RAB8B: variants seen among roughly 807,000 people sequenced by gnomAD.
The protein encoded by RAB8B is RAB8B, member RAS oncogene family.
Under a neutral mutation model 32.0 loss-of-function variants are expected in RAB8B, and 11 were observed. The ratio of observed to expected loss-of-function variants is 0.34; its 90% CI spans 0.22 to 0.57. The LOEUF is 0.57. Among genes scored for constraint, RAB8B ranks in the 20% least tolerant of loss-of-function variants. RAB8B has a pLI of 0.86. For synonymous variants in RAB8B, 103 were observed against 89.6 expected, an observed-to-expected ratio of 1.15 and a Z score of -0.85; for missense variants, 190 against 258.5, an observed-to-expected ratio of 0.73 and a Z score of 1.82.
chr15:63,224,586 C>G (rs1218601157), intron 1 of RAB8B, among the ~76,000 whole-genome samples: 2 of 152,146 alleles, frequency 1.3e-5, no homozygotes, highest in Non-Finnish European at 2.9e-5. Flanking sequence ...GGGGTCTTCT[C>G]TAGTTTGCCA....
intron 2 of RAB8B, 120 bp from the exon 3 acceptor site, chr15:63,249,524 TC>T: frequency 1.2e-6 from 1 of 857,334 alleles, no homozygotes; most frequent in Non-Finnish European, 1.8e-6. Flanking sequence ...TGTCTCATTC[TC>T]CTTTCCTCTG....
chr15:63,244,146 A>G (rs2038053179), intron 1 of RAB8B, among the ~76,000 whole-genome samples: 1 of 152,242 alleles, frequency 6.6e-6, no homozygotes, highest in African/African-American at 2.4e-5. Flanking sequence ...TCATAGTACC[A>G]GGCAATTCTA....
At chr15:63,246,050 T>A (rs2038069308) in intron 2 of RAB8B, among the ~76,000 whole-genome samples, 1 of 152,146 alleles carries the variant, frequency 6.6e-6, no homozygotes, top group Non-Finnish European at 1.5e-5. Context: ...TTTTTTGTAT[T>A]TTCAGTAGAA....
At chr15:63,231,844 T>C (rs2037939384) in intron 1 of RAB8B, among the ~76,000 whole-genome samples, 1 of 152,202 alleles carries the variant, frequency 6.6e-6, no homozygotes, top group Non-Finnish European at 1.5e-5. Context: ...AGAGACTTTA[T>C]TGAAGGTACA....
At chr15:63,205,956 A>G (rs952856161) in intron 1 of RAB8B, among the ~76,000 whole-genome samples, 3 of 152,214 alleles carry the variant, frequency 2.0e-5, no homozygotes, top group Non-Finnish European at 2.9e-5. Flanking sequence ...GTCATATCCA[A>G]TTGGAAGCTC....
intron 6 of RAB8B, among the ~76,000 whole-genome samples, chr15:63,261,693 G>A (rs1228925949): frequency 6.6e-6 from 1 of 152,214 alleles, no homozygotes; most frequent in Non-Finnish European, 1.5e-5. Context: ...CACTGACAAT[G>A]AGTAATAATA....
chr15:63,206,678 T>G (rs149678469), intron 1 of RAB8B, among the ~76,000 whole-genome samples: 1 of 152,238 alleles, frequency 6.6e-6, no homozygotes, highest in East Asian at 1.9e-4. Context: ...TTGCCCTTTC[T>G]GCTCTACTTT....
chr15:63,256,599 A>G lies in RAB8B; in HGVS notation c.414+5A>G, dbSNP rs2038160864. The G allele has an allele frequency of 1.3e-6, 2 of 1,570,934 alleles. No individual in the cohort carries two copies. Among genetic ancestry groups the G allele is most frequent in the Non-Finnish European group, 1.7e-6 (2 of 1,149,500 alleles). On this transcript the variant is annotated splice_donor_5th_base_variant and intron_variant, in intron 5 of 7. Transcript: ENST00000321437. ...TCAAAAGAAAGAGGGGAGAAGGTAA[A>G]TGTGAATGGAATGGATAAAGGTTGG...
chr15:63,237,913 T>C (rs553080064), intron 1 of RAB8B, among the ~76,000 whole-genome samples: 1 of 152,280 alleles, frequency 6.6e-6, no homozygotes, highest in South Asian at 2.1e-4. Flanking sequence ...TTTTTGTATA[T>C]GGCAAGAGGT....
intron 2 of RAB8B, among the ~76,000 whole-genome samples, chr15:63,245,732 T>G (rs939825563): frequency 6.6e-6 from 1 of 152,252 alleles, no homozygotes; most frequent in African/African-American, 2.4e-5. Context: ...TTTCCGATTT[T>G]GGATATTCTT....
intron 3 of RAB8B, chr15:63,251,491 C>G (rs2038116388): frequency 6.1e-6 from 2 of 327,230 alleles, no homozygotes; most frequent in African/African-American, 4.4e-5. Flanking sequence ...AAATGTTTCA[C>G]TTGGATGTCT....
At chr15:63,205,517 TACTC>T (rs1224711002) in intron 1 of RAB8B, among the ~76,000 whole-genome samples, 14 of 151,584 alleles carry the variant, frequency 9.2e-5, no homozygotes, top group South Asian at 2.1e-4. Flanking sequence ...ACAAAAAAAA[TACTC>T]ACACACACAC....
At chr15:63,237,452 A>C (rs1393408702) in intron 1 of RAB8B, among the ~76,000 whole-genome samples, 4 of 152,164 alleles carry the variant, frequency 2.6e-5, no homozygotes, top group African/African-American at 7.2e-5. Context: ...ATGATATCTC[A>C]TTGTAGTTTT....
chr15:63,189,860 T>C (rs1255391715), intron 1 of RAB8B, 112 bp downstream of exon 1: 1 of 1,051,134 alleles, frequency 9.5e-7, no homozygotes, highest in East Asian at 4.0e-5. Context: ...CCCCGGGGAC[T>C]GCAAGGTGGC....
intron 1 of RAB8B, chr15:63,223,842 C>G (rs918594012): frequency 5.8e-5 from 25 of 429,232 alleles, no homozygotes; most frequent in African/African-American, 5.1e-4. Context: ...TTGTTTTCTT[C>G]TATAGTGCGG....
intron 1 of RAB8B, among the ~76,000 whole-genome samples, chr15:63,212,882 GA>G (rs2037759787): frequency 2.0e-5 from 3 of 152,202 alleles, no homozygotes; most frequent in Admixed American, 2.0e-4. Context: ...ATGTAAATGA[GA>G]ACCATGATAT....
At chr15:63,241,456 T>C (rs1366321176) in intron 1 of RAB8B, among the ~76,000 whole-genome samples, 2 of 152,234 alleles carry the variant, frequency 1.3e-5, no homozygotes, top group Non-Finnish European at 1.5e-5. Context: ...GTTTTTTTTA[T>C]TTTGGTAAAA....
chr15:63,217,117 A>T (rs1871490166), intron 1 of RAB8B, among the ~76,000 whole-genome samples: 1 of 152,164 alleles, frequency 6.6e-6, no homozygotes, highest in African/African-American at 2.4e-5. Context: ...GAATAATCAG[A>T]TATCTCATTA....
chr15:63,211,496 T>G (rs907249602), intron 1 of RAB8B, among the ~76,000 whole-genome samples: 1 of 152,228 alleles, frequency 6.6e-6, no homozygotes, highest in African/African-American at 2.4e-5. Flanking sequence ...TAGGAAAGAA[T>G]GTTTACGCAA....
Sources: allele counts gnomAD v4.1 joint callset (sites outside exome capture counted in the v4.1 genomes callset), GRCh38; gene constraint gnomAD v4.1.1; transcripts MANE v1.5; gene names NCBI Gene and HGNC (gene_info 2026-07-23, HGNC 2026-07-21).